Variants in LRFN5 observed in about 807,000 individuals in gnomAD.
The protein encoded by LRFN5 is leucine rich repeat and fibronectin type III domain containing 5, also known as leucine-rich repeat and fibronectin type-III domain-containing protein 5.
LRFN5 carries 24 observed loss-of-function variants against 45.6 expected under a neutral mutation model. The observed-to-expected ratio is 0.53, with a 90% CI of 0.38 to 0.74. The LOEUF (loss-of-function observed/expected upper bound fraction) is 0.74, where lower values mean the gene tolerates loss of function less well. LRFN5 is among the 30% of genes least tolerant of loss of function. The pLI is 0.00. For synonymous variants in LRFN5, 340 were observed against 313.8 expected (o/e 1.08, Z -0.88); for missense variants, 776 against 861.5 (o/e 0.90, Z 1.24).
At chr14:41,795,745 AGT>A in intron 2 of LRFN5, among the ~76,000 whole-genome samples, 1 of 151,158 alleles carries the variant, frequency 6.6e-6, no homozygotes, top group Admixed American at 6.6e-5. Flanking sequence ...TTGGACACAG[AGT>A]GGGGAACATC....
At chr14:41,659,546 T>G (rs1452719785) in intron 1 of LRFN5, among the ~76,000 whole-genome samples, 1 of 152,156 alleles carries the variant, frequency 6.6e-6, no homozygotes, top group Admixed American at 6.5e-5. Context: ...GAATGATTTA[T>G]AATCCTTTGG....
At chr14:41,730,382 T>A (rs1023830426) in intron 1 of LRFN5, among the ~76,000 whole-genome samples, 4 of 152,036 alleles carry the variant, frequency 2.6e-5, no homozygotes, top group African/African-American at 9.7e-5. Flanking sequence ...CTTTTATCAA[T>A]GTTGCTAAAT....
intron 2 of LRFN5, among the ~76,000 whole-genome samples, chr14:41,831,114 G>A (rs1888462145): frequency 6.6e-6 from 1 of 152,110 alleles, no homozygotes; most frequent in South Asian, 2.1e-4. Context: ...AATAAAGTGA[G>A]TTAGAAAGCC....
chr14:41,607,847 A>G lies in LRFN5; in HGVS notation c.-912A>G, dbSNP rs1355130642. On this transcript the variant is annotated 5_prime_UTR_variant, in exon 1 of 6. Coordinates refer to ENST00000298119, the MANE Select transcript of LRFN5 (RefSeq NM_152447.5). ...ATCTACACCTTCTTCTCTTGGCCAG[A>G]AGGATATTTACGTTTTGGTTCACAG... 6.6e-6 allele frequency: 1 copy of G among 152,190 alleles called. No homozygotes were observed. The highest frequency in any genetic ancestry group is 1.9e-4 in the East Asian group (1 of 5,188). The allele number at this position is 152,190 out of a possible 1,614,324, so 9.4% of individuals were successfully genotyped here. A position where few individuals can be genotyped will look rare whatever the true frequency, so the allele number is the denominator to read the frequency against.
chr14:41,814,637 C>G (rs906417748), intron 2 of LRFN5, among the ~76,000 whole-genome samples: 2 of 152,130 alleles, frequency 1.3e-5, no homozygotes, highest in Admixed American at 6.6e-5. Context: ...TCTTTGTCTT[C>G]TTGGGCCTGT....
rs778978504 is a variant in LRFN5 at position 41,607,293 on chromosome 14, C to T, written c.-1466C>T. Among the ~76,000 whole-genome samples the T allele has an allele frequency of 4.5e-5, 6 of 133,674 alleles. No individual in the cohort carries two copies. The highest frequency in any genetic ancestry group is 8.5e-5 in the Non-Finnish European group (5 of 59,084). The allele number at this position is 133,674 out of a possible 152,430, so 87.7% of individuals were successfully genotyped here. On this transcript the variant is annotated 5_prime_UTR_variant, in exon 1 of 6. Transcript: ENST00000298119. ...ACCCATATAATCCATTTTGCACGGT[C>T]CGTTATATCAGAAAAAAAAAGCGCA...
chr14:41,655,142 A>T (rs1227257063), intron 1 of LRFN5, among the ~76,000 whole-genome samples: 1 of 151,988 alleles, frequency 6.6e-6, no homozygotes, highest in African/African-American at 2.4e-5. Context: ...TACAAGACAA[A>T]CTGTCTATGG....
At chr14:41,829,322 T>C (rs1888400317) in intron 2 of LRFN5, among the ~76,000 whole-genome samples, 1 of 151,924 alleles carries the variant, frequency 6.6e-6, no homozygotes, top group Non-Finnish European at 1.5e-5. Flanking sequence ...AATGTCAATA[T>C]TAACAAAAGA....
intron 2 of LRFN5, among the ~76,000 whole-genome samples, chr14:41,786,950 A>G (rs924762836): frequency 6.6e-6 from 1 of 151,822 alleles, no homozygotes; most frequent in Non-Finnish European, 1.5e-5. Flanking sequence ...CATTTTGCAT[A>G]TTGCATTTCT....
chr14:41,860,757 C>A (rs1385450885), intron 2 of LRFN5, among the ~76,000 whole-genome samples: 1 of 152,192 alleles, frequency 6.6e-6, no homozygotes, highest in Non-Finnish European at 1.5e-5. Context: ...TGTAACAAGT[C>A]ATTTCTCCAG....
chr14:41,736,844 T>A (rs114937490), intron 1 of LRFN5, among the ~76,000 whole-genome samples: 1,930 of 152,130 alleles, frequency 0.013, 11 homozygotes, highest in Middle Eastern at 0.034. Flanking sequence ...GGTTCTGAAA[T>A]TAAGGCAGTA....
intron 1 of LRFN5, among the ~76,000 whole-genome samples, chr14:41,674,381 A>C (rs1216827026): frequency 1.8e-5 from 2 of 110,874 alleles, no homozygotes; most frequent in African/African-American, 3.5e-5. Context: ...CGGGGGGCTG[A>C]CCCCCCCACC....
chr14:41,679,147 G>C (rs1159083629), intron 1 of LRFN5, among the ~76,000 whole-genome samples: 1 of 152,148 alleles, frequency 6.6e-6, no homozygotes, highest in Non-Finnish European at 1.5e-5. Context: ...AGTACTCTTG[G>C]GTTCTAAATA....
chr14:41,822,570 T>A (rs1284456769), intron 2 of LRFN5, among the ~76,000 whole-genome samples: 1 of 152,052 alleles, frequency 6.6e-6, no homozygotes, highest in Non-Finnish European at 1.5e-5. Context: ...GCTGAATATA[T>A]GGTCTATTTT....
chr14:41,898,793 A>G, intron 4 of LRFN5, 124 bp from the exon 5 acceptor site: 1 of 896,592 alleles, frequency 1.1e-6, no homozygotes, highest in Non-Finnish European at 1.7e-6. Context: ...TTTAAAAAAA[A>G]TCTTTAGATA....
chr14:41,843,409 C>A lies in LRFN5; in HGVS notation c.-20-43197C>A, dbSNP rs186301003. Among the ~76,000 whole-genome samples, 306 of 152,130 alleles carry A rather than the reference C, an allele frequency of 2.0e-3. 1 individual carries two copies. The highest frequency in any genetic ancestry group is 7.1e-3 in the African/African-American group (295 of 41,522). ...CATTCTTAATGATATCCTTCATAAG[C>A]AGAACTTTAACTGTGATAAAATTAT... On this transcript the variant is annotated intron_variant, in intron 2 of 5. Coordinates refer to ENST00000298119, the MANE Select transcript of LRFN5 (RefSeq NM_152447.5).
chr14:41,745,748 T>A (rs1414546268), intron 1 of LRFN5, among the ~76,000 whole-genome samples: 2 of 151,706 alleles, frequency 1.3e-5, no homozygotes, highest in African/African-American at 4.8e-5. Flanking sequence ...CAATTGTATA[T>A]CTACAAACTG....
rs550162000 is a variant in LRFN5, at chr14:41,705,066, A to G, written c.-196-61788A>G. The stretch of plus-strand genomic sequence containing the variant: ...TTTACTGGTTCACTTGTTTGTTTCT[A>G]GGAGCACTTAAATACTAAAATGTAC... On this transcript the variant is annotated intron_variant, in intron 1 of 5. Coordinates refer to ENST00000298119, the MANE Select transcript of LRFN5 (RefSeq NM_152447.5). 1.1e-4 allele frequency among the ~76,000 whole-genome samples: 16 copies of G among 152,306 alleles called. 1 individual carries two copies. Among genetic ancestry groups the G allele is most frequent in the Admixed American group, 9.8e-4 (15 of 15,288 alleles).
Position 41,767,030 on chromosome 14 carries a change from GT to G in LRFN5, c.-21+2del. ...GTGAGGAACTCTTCAGGCTCCAGAA[GT>G]AAGTTGATTGCATTCAGTTCAATCA... On this transcript the variant is annotated splice_donor_variant, in intron 2 of 5. Coordinates refer to ENST00000298119, the MANE Select transcript of LRFN5 (RefSeq NM_152447.5). LOFTEE classifies it low-confidence loss of function (5UTR_SPLICE). 1 of 152,630 alleles carries G rather than the reference GT, an allele frequency of 6.6e-6. No individual in the cohort carries two copies. Among genetic ancestry groups the G allele is most frequent in the Non-Finnish European group, 1.5e-5 (1 of 68,044 alleles). 9.5% of individuals were successfully genotyped at this position (152,630 alleles called of 1,614,324 possible).
Sources: gnomAD v4.1 joint callset for allele counts (sites outside exome capture counted in the v4.1 genomes callset) on GRCh38, gnomAD v4.1.1 for gene constraint, MANE v1.5 for transcripts, NCBI Gene and HGNC (gene_info 2026-07-23, HGNC 2026-07-21) for gene names.